DAAM1: variants seen among roughly 807,000 people sequenced by gnomAD.
The protein encoded by DAAM1 is disheveled-associated activator of morphogenesis 1.
A neutral mutation model predicts 130.0 loss-of-function variants in DAAM1; 52 were observed. The ratio of observed to expected loss-of-function variants is 0.40; its 90% CI spans 0.32 to 0.50. The LOEUF is 0.50. Ranked by LOEUF, DAAM1 falls within the 20% of genes least tolerant of loss-of-function variation. DAAM1 has a pLI of 0.61. For synonymous variants in DAAM1, 452 were observed against 444.5 expected (o/e 1.02, Z -0.21); for missense variants, 1,134 against 1,303.8 (o/e 0.87, Z 2.01).
intron 2 of DAAM1, among the ~76,000 whole-genome samples, chr14:59,277,745 G>A (rs2139535263): frequency 6.6e-6 from 1 of 152,104 alleles, no homozygotes; most frequent in South Asian, 2.1e-4. Context: ...AAGGAGCTCG[G>A]CCACCCAAGT....
chr14:59,216,257 T>A (rs1012545520), intron 1 of DAAM1, among the ~76,000 whole-genome samples: 3 of 152,356 alleles, frequency 2.0e-5, no homozygotes, highest in Admixed American at 2.0e-4. Context: ...GCACAGTTTT[T>A]CAATGTACTG....
chr14:59,363,820 G>T, intron 23 of DAAM1, 38 bp downstream of exon 23: 2 of 1,609,590 alleles, frequency 1.2e-6, no homozygotes, highest in Non-Finnish European at 1.7e-6. Flanking sequence ...TTGTTTGACC[G>T]GGCTGGGCTT....
At chr14:59,273,611 T>C (rs1011796396) in intron 2 of DAAM1, among the ~76,000 whole-genome samples, 3 of 152,226 alleles carry the variant, frequency 2.0e-5, no homozygotes, top group African/African-American at 7.2e-5. Flanking sequence ...ACTTAGTCCT[T>C]ATACTACCAT....
chr14:59,289,767 G>GATATATATATATAT, intron 2 of DAAM1, among the ~76,000 whole-genome samples: 3,665 of 110,128 alleles, frequency 0.033, 419 homozygotes, highest in Admixed American at 0.12. Context: ...AACAAAATGT[G>GATATATATATATAT]ATATATATAT....
At chr14:59,278,431 A>G (rs1883065971) in intron 2 of DAAM1, among the ~76,000 whole-genome samples, 1 of 152,224 alleles carries the variant, frequency 6.6e-6, no homozygotes, top group African/African-American at 2.4e-5. Flanking sequence ...TGCAATACCC[A>G]GAATGACACA....
intron 2 of DAAM1, among the ~76,000 whole-genome samples, chr14:59,276,210 G>T (rs548566518): frequency 6.6e-6 from 1 of 152,330 alleles, no homozygotes; most frequent in South Asian, 2.1e-4. Context: ...GTCATTTGCT[G>T]TAATGGGGCT....
At chr14:59,280,535 C>CTTTTTTTTTTTTTTT (rs35354608) in intron 2 of DAAM1, among the ~76,000 whole-genome samples, 275 of 90,634 alleles carry the variant, frequency 3.0e-3, no homozygotes, top group Non-Finnish European at 3.2e-3. Flanking sequence ...GCACACCTTC[C>CTTTTTTTTTTTTTTT]TTTTTTTTTT....
At chr14:59,283,788 A>G (rs1293244325) in intron 2 of DAAM1, among the ~76,000 whole-genome samples, 1 of 152,180 alleles carries the variant, frequency 6.6e-6, no homozygotes, top group Non-Finnish European at 1.5e-5. Flanking sequence ...TGTTAACAAG[A>G]TACTGTGTAA....
intron 14 of DAAM1, 31 bp downstream of exon 14, chr14:59,331,539 T>C: frequency 6.4e-7 from 1 of 1,551,086 alleles, no homozygotes; most frequent in Non-Finnish European, 8.7e-7. Flanking sequence ...TTCCCTTTAA[T>C]GGATAGCATT....
intron 2 of DAAM1, among the ~76,000 whole-genome samples, chr14:59,270,600 G>A (rs28454000): frequency 1.4e-4 from 21 of 152,284 alleles, no homozygotes; most frequent in African/African-American, 4.8e-4. Flanking sequence ...TTCTGAATAT[G>A]TTTTCCTTTG....
At chr14:59,288,000 C>G (rs1196982016) in intron 2 of DAAM1, among the ~76,000 whole-genome samples, 1 of 152,132 alleles carries the variant, frequency 6.6e-6, no homozygotes, top group Non-Finnish European at 1.5e-5. Flanking sequence ...CCGGGGGCAT[C>G]ACACCAACCA....
chr14:59,236,223 G>A (rs1047681563), intron 1 of DAAM1, among the ~76,000 whole-genome samples: 6 of 151,886 alleles, frequency 4.0e-5, no homozygotes, highest in Non-Finnish European at 7.4e-5. Flanking sequence ...AGATCAAAGG[G>A]AAGAAGTTGT....
At chr14:59,339,444 T>G (rs1439016243) in intron 15 of DAAM1, among the ~76,000 whole-genome samples, 1 of 152,216 alleles carries the variant, frequency 6.6e-6, no homozygotes, top group Non-Finnish European at 1.5e-5. Context: ...CCATCATAGC[T>G]TACAGATTTC....
intron 1 of DAAM1, among the ~76,000 whole-genome samples, chr14:59,256,126 C>G (rs1285279728): frequency 6.6e-6 from 1 of 152,222 alleles, no homozygotes; most frequent in Non-Finnish European, 1.5e-5. Flanking sequence ...CAGCAAAAAT[C>G]TGTTTTGTTT....
At chr14:59,299,766 A>C (rs1354178644) in intron 3 of DAAM1, 4 of 152,174 alleles carry the variant, frequency 2.6e-5, no homozygotes, top group African/African-American at 9.7e-5. Flanking sequence ...AACAAAATGC[A>C]GTCTGTTGGC....
chr14:59,201,518 G>T (rs978265372), intron 1 of DAAM1, among the ~76,000 whole-genome samples: 1 of 151,952 alleles, frequency 6.6e-6, no homozygotes, highest in East Asian at 1.9e-4. Flanking sequence ...GGGAGGCTGA[G>T]GCAGGAGAAT....
chr14:59,365,721 T>A (rs1000719968), intron 23 of DAAM1, among the ~76,000 whole-genome samples: 1 of 152,090 alleles, frequency 6.6e-6, no homozygotes, highest in Non-Finnish European at 1.5e-5. Context: ...AATTATAAGC[T>A]GTTTGGGGGC....
chr14:59,198,662 A>G (rs1418982560), intron 1 of DAAM1, among the ~76,000 whole-genome samples: 3 of 152,192 alleles, frequency 2.0e-5, no homozygotes, highest in African/African-American at 7.2e-5. Flanking sequence ...CATGTGGGTG[A>G]CTTTTCTAAT....
chr14:59,285,569 A>C (rs955988713), intron 2 of DAAM1, among the ~76,000 whole-genome samples: 6 of 152,214 alleles, frequency 3.9e-5, no homozygotes, highest in African/African-American at 1.4e-4. Context: ...TGATAGGCTC[A>C]AAGTAAAAGA....
Sources: gnomAD v4.1 joint callset for allele counts (sites outside exome capture counted in the v4.1 genomes callset) on GRCh38, gnomAD v4.1.1 for gene constraint, MANE v1.5 for transcripts, NCBI Gene and HGNC (gene_info 2026-07-23, HGNC 2026-07-21) for gene names.